The following TMC8 variants were observed in gnomAD, a reference collection of about 807,000 sequenced individuals.
TMC8 encodes transmembrane channel-like protein 8.
In TMC8, 71 loss-of-function variants were observed where a neutral mutation model predicts 76.0. That is an observed-to-expected ratio of 0.93 (90% CI 0.77 to 1.14). The LOEUF is 1.14. Ranked by LOEUF, TMC8 falls within the 50% of genes most tolerant of loss-of-function variation. The pLI is 0.00. For synonymous variants in TMC8, 433 were observed against 433.8 expected, an observed-to-expected ratio of 1.00 and a Z score of 0.02; for missense variants, 924 against 947.9, an observed-to-expected ratio of 0.97 and a Z score of 0.33.
In TMC8 at chr17:78,140,873, C is replaced by T. The variant is rs1469878474; in HGVS notation, c.1942C>T (p.Arg648Ter). The T allele has an allele frequency of 1.2e-6, 2 of 1,610,026 alleles. No individual in the cohort carries two copies. The highest frequency in any genetic ancestry group is 2.7e-5 in the African/African-American group (2 of 74,900). The change falls in exon 16 of 16, where the codon CGA (arginine) becomes TGA (stop). Residue 648 changes from arginine to a stop codon, truncating the protein, a stop_gained. Transcript: ENST00000318430. LOFTEE classifies it low-confidence loss of function (END_TRUNC). ...GTGGCACCTGGTGGAGGACCTGTCG[C>T]GACTGCTGCCGGAGCCAGGCCCGAG... is the stretch of plus-strand genomic sequence containing the variant. The part of the protein sequence containing the change: ...EKWHLVEDLS[R>*]LLPEPGPSDS...
At position 78,131,599 on chromosome 17, in the gene TMC8, C is replaced by A. The variant is rs867374058; in HGVS notation, c.11C>A (p.Pro4Gln). The change falls in exon 2 of 16, where the codon CCG (proline) becomes CAG (glutamine). Residue 4 changes from proline to glutamine, a missense_variant. Pro to Gln is a moderately conservative substitution (Grantham distance 76, BLOSUM62 -1). Transcript: ENST00000318430. MLL[P>Q]RSVSSERAPG... ...CCCGTGCCCGCCGAGATGCTGCTGC[C>A]GCGGTCGGTGTCATCGGAGCGGGCC... 6.5e-7 allele frequency: 1 copy of A among 1,546,818 alleles called. No homozygotes were observed. The highest frequency in any genetic ancestry group is 1.4e-5 in the African/African-American group (1 of 73,178).
At chr17:78,136,342 GAC>G (rs1484554783) in intron 9 of TMC8, among the ~76,000 whole-genome samples, 2 of 151,968 alleles carry the variant, frequency 1.3e-5, no homozygotes, top group East Asian at 3.9e-4. Flanking sequence ...GAAAGACTAG[GAC>G]ACACAGTCCT....
chr17:78,134,391 C>A lies in TMC8; in HGVS notation c.817-3C>A, dbSNP rs2075160633. 1 of 1,610,072 alleles carries A rather than the reference C, an allele frequency of 6.2e-7. No homozygotes were observed. Among genetic ancestry groups the A allele is most frequent in the Non-Finnish European group, 8.5e-7 (1 of 1,180,000 alleles). The stretch of plus-strand genomic sequence containing the variant: ...CTGCCTCTGTCCCCACCCTTCCGGG[C>A]AGGTGGAGCTGGAGGAGGGCCGTCG... On this transcript the variant is annotated splice_region_variant and splice_polypyrimidine_tract_variant and intron_variant, in intron 7 of 15. Coordinates refer to ENST00000318430, the MANE Select transcript of TMC8 (RefSeq NM_152468.5).
chr17:78,132,797 G>T lies in TMC8; in HGVS notation c.458G>T (p.Cys153Phe). The T allele has an allele frequency of 2.5e-6, 4 of 1,614,186 alleles. No homozygotes were observed. Among genetic ancestry groups the T allele is most frequent in the Non-Finnish European group, 3.4e-6 (4 of 1,180,024 alleles). Residue 153 changes from cysteine (C) to phenylalanine (F), a missense_variant, in exon 5 of 16, where the codon TGC (cysteine) becomes TTC (phenylalanine). Physicochemically the swap from Cys to Phe is radical, Grantham distance 205 (BLOSUM62 -2). Transcript: ENST00000318430. Reference sequence around the variant, plus strand: ...CCTTCCTCCTCAACAGCCCTCCAGTGCCCTGGTAGCCGCCAGTCCCCGCCT... The same window carrying T: ...CCTTCCTCCTCAACAGCCCTCCAGTTCCCTGGTAGCCGCCAGTCCCCGCCT... ...PGPTLNLTLQ[C>F]PGSRQSPPGV...
intron 10 of TMC8, 83 bp from the exon 11 acceptor site, chr17:78,137,634 A>C (rs1341491831): frequency 2.3e-6 from 3 of 1,330,192 alleles, no homozygotes; most frequent in African/African-American, 1.4e-5. Flanking sequence ...CACCTGCACC[A>C]CAGAAACCCT....
intron 5 of TMC8, 148 bp from the exon 6 acceptor site, chr17:78,133,258 C>T (rs376057): frequency 1.0e-5 from 13 of 1,285,456 alleles, no homozygotes; most frequent in Middle Eastern, 1.9e-4. Context: ...ACCGTGGGCA[C>T]GTTGCCGAAC....
chr17:78,130,991 C>T (rs941195652), intron 1 of TMC8, 140 bp downstream of exon 1: 69 of 175,692 alleles, frequency 3.9e-4, no homozygotes, highest in Admixed American at 1.3e-3. Context: ...ATCAGGGGCT[C>T]GCGGGGTACC....
In TMC8 at chr17:78,131,755, G is replaced by A; in HGVS notation, c.149+18G>A. The A allele has an allele frequency of 6.4e-7, 1 of 1,570,538 alleles. No individual in the cohort carries two copies. The highest frequency in any genetic ancestry group is 8.6e-7 in the Non-Finnish European group (1 of 1,161,478). ...CTCATCTGGTGGGTGCCACGCGGGC[G>A]CCAGACGGTGCGTGGGGGGGGTGCT... On this transcript the variant is annotated intron_variant, in intron 2 of 15. Coordinates refer to ENST00000318430, the MANE Select transcript of TMC8 (RefSeq NM_152468.5).
chr17:78,134,334 A>C lies in TMC8; in HGVS notation c.817-60A>C, dbSNP rs907456637. The C allele has an allele frequency of 3.2e-6, 5 of 1,583,146 alleles. No individual in the cohort carries two copies. In the Admixed American group the frequency reaches 8.4e-5, roughly 26 times the overall value. On this transcript the variant is annotated intron_variant, in intron 7 of 15. Coordinates refer to ENST00000318430, the MANE Select transcript of TMC8 (RefSeq NM_152468.5). ...GACTGTGTGTGAGAGCGTTTCCTGCACCCTTTCCTCCCATGCCCACCCCGC... is the reference window on the plus strand; with the variant it reads ...GACTGTGTGTGAGAGCGTTTCCTGCCCCCTTTCCTCCCATGCCCACCCCGC...
intron 8 of TMC8, 92 bp from the exon 9 acceptor site, chr17:78,134,778 C>T: frequency 6.3e-7 from 1 of 1,593,574 alleles, no homozygotes; most frequent in Non-Finnish European, 8.5e-7. Flanking sequence ...TCTGGGCCTG[C>T]CCCAGAGTTA....
Position 78,131,398 on chromosome 17 carries a change from A to T in TMC8, c.-191A>T. On this transcript the variant is annotated 5_prime_UTR_variant, in exon 2 of 16. An upstream open reading frame in the 5' UTR gains an earlier in-frame stop. Transcript: ENST00000318430. ...TGAGCCCCGGAGGTGGCAGAGCGGC[A>T]GACCCGGGCAAGTGAACCCTAGGGC... is the stretch of plus-strand genomic sequence containing the variant. 1.4e-6 allele frequency: 1 copy of T among 739,670 alleles called. No homozygotes were observed. Among genetic ancestry groups the T allele is most frequent in the Non-Finnish European group, 2.2e-6 (1 of 455,642 alleles). The allele number at this position is 739,670 out of a possible 1,614,324, so 45.8% of individuals were successfully genotyped here.
intron 15 of TMC8, 55 bp from the exon 16 acceptor site, chr17:78,140,779 C>A (rs1467152437): frequency 6.4e-7 from 1 of 1,566,628 alleles, no homozygotes; most frequent in Non-Finnish European, 8.6e-7. Context: ...GCTGTCCTCA[C>A]ACCCGCTCGT....
rs772188690 is a variant in TMC8, at chr17:78,134,438, G to A, written c.861G>A (p.Gln287=). 6 of 1,613,616 alleles carry A rather than the reference G, an allele frequency of 3.7e-6. No individual in the cohort carries two copies. Among genetic ancestry groups the A allele is most frequent in the Non-Finnish European group, 4.2e-6 (5 of 1,180,034 alleles). ...EGRRFQLMQQ[Q]TRAQTACRLL... ...GTCGCTTCCAGCTGATGCAGCAGCAGACCCGGGCCCAGACGGCCTGCCGCC... is the reference window on the plus strand; with the variant it reads ...GTCGCTTCCAGCTGATGCAGCAGCAAACCCGGGCCCAGACGGCCTGCCGCC... Residue 287 remains glutamine (Q), a synonymous_variant, in exon 8 of 16, where the codon CAG becomes CAA. Transcript: ENST00000318430.
chr17:78,132,305 G>GGCCCCAGCCC, intron 3 of TMC8, 54 bp from the exon 4 acceptor site: 1 of 1,602,806 alleles, frequency 6.2e-7, no homozygotes, highest in Non-Finnish European at 8.5e-7. Flanking sequence ...GACTCTCAGC[G>GGCCCCAGCCC]CGGCCCCAGC....
chr17:78,131,457 G>A lies in TMC8; in HGVS notation c.-132G>A, dbSNP rs2074962665. On this transcript the variant is annotated 5_prime_UTR_variant, in exon 2 of 16. Coordinates refer to ENST00000318430, the MANE Select transcript of TMC8 (RefSeq NM_152468.5). ...CCCAGGCCCCGACGCCGGCGCAGAG[G>A]GGACGGAAGGGCCCGCCCCCAGCCC... 7.6e-7 allele frequency: 1 copy of A among 1,320,078 alleles called. No individual in the cohort carries two copies. Among genetic ancestry groups the A allele is most frequent in the Non-Finnish European group, 1.0e-6 (1 of 955,656 alleles). 81.8% of individuals were successfully genotyped at this position (1,320,078 alleles called of 1,614,324 possible). A position where few individuals can be genotyped will look rare whatever the true frequency, so the allele number is the denominator to read the frequency against.
chr17:78,138,553 C>A (rs1194026279), intron 13 of TMC8, 21 bp from the exon 14 acceptor site: 1 of 1,613,628 alleles, frequency 6.2e-7, no homozygotes, highest in African/African-American at 1.3e-5. Flanking sequence ...ATGCCAGCCC[C>A]ACTTGGCCAT....
Position 78,133,426 on chromosome 17 carries a change from C to T in TMC8, c.552C>T (p.Leu184=), listed in dbSNP as rs1259005882. The T allele has an allele frequency of 5.0e-6, 8 of 1,613,728 alleles. No individual in the cohort carries two copies. Among genetic ancestry groups the T allele is most frequent in the Non-Finnish European group, 3.4e-6 (4 of 1,180,046 alleles). ...LTGRAFTNTY[L]FYGAYRVGPE... is the part of the protein sequence containing the mutation. Reference sequence around the variant, plus strand: ...CCCAGGCCTTCACCAACACCTATCTCTTCTACGGTGCGTACCGAGTGGGGC... The same window carrying T: ...CCCAGGCCTTCACCAACACCTATCTTTTCTACGGTGCGTACCGAGTGGGGC... Residue 184 remains leucine (L), a synonymous_variant, in exon 6 of 16, where the codon CTC becomes CTT. Coordinates refer to ENST00000318430, the MANE Select transcript of TMC8 (RefSeq NM_152468.5).
chr17:78,133,645 G>C, intron 6 of TMC8, 103 bp downstream of exon 6: 1 of 1,577,858 alleles, frequency 6.3e-7, no homozygotes, highest in Non-Finnish European at 8.6e-7. Flanking sequence ...CCCATGGCCC[G>C]GCACAGCAGG....
chr17:78,134,869 G>A lies in TMC8; in HGVS notation c.988-1G>A. 1 of 1,613,900 alleles carries A rather than the reference G, an allele frequency of 6.2e-7. No homozygotes were observed. Among genetic ancestry groups the A allele is most frequent in the Non-Finnish European group, 8.5e-7 (1 of 1,180,008 alleles). On this transcript the variant is annotated splice_acceptor_variant, in intron 8 of 15. Coordinates refer to ENST00000318430, the MANE Select transcript of TMC8 (RefSeq NM_152468.5). LOFTEE classifies it high-confidence loss of function. ...CTCCCCTGACCTGCCTTTTCCCGCA[G>A]GAGTCCCTGTTTCTGCTGCTCCAGT...
Sources: gnomAD v4.1 joint callset for allele counts (sites outside exome capture counted in the v4.1 genomes callset) on GRCh38, gnomAD v4.1.1 for gene constraint, MANE v1.5 for transcripts, NCBI Gene and HGNC (gene_info 2026-07-23, HGNC 2026-07-21) for gene names.